CPED1: variants seen among roughly 807,000 people sequenced by gnomAD.
CPED1 encodes cadherin-like and PC-esterase domain-containing protein 1.
In CPED1, 114 loss-of-function variants were observed where a neutral mutation model predicts 128.2. The observed-to-expected ratio is 0.89, with a 90% CI of 0.76 to 1.04. The LOEUF is 1.04. Among genes scored for constraint, CPED1 ranks in the 50% least tolerant of loss-of-function variants. The probability of loss-of-function intolerance (pLI) is 0.00; values close to 1 mark genes in which losing one functional copy is unlikely to be tolerated. For synonymous variants in CPED1, 462 were observed against 426.7 expected, an observed-to-expected ratio of 1.08 and a Z score of -1.02; for missense variants, 1,211 against 1,207.1, an observed-to-expected ratio of 1.00 and a Z score of -0.05.
chr7:121,036,674 C>T (rs1792902495), intron 3 of CPED1, among the ~76,000 whole-genome samples: 1 of 151,904 alleles, frequency 6.6e-6, no homozygotes. Context: ...ATGGCTGAAT[C>T]AAATAGTAGA....
chr7:121,140,811 T>C lies in CPED1; in HGVS notation c.1700-16T>C. On this transcript the variant is annotated splice_polypyrimidine_tract_variant and intron_variant, in intron 14 of 22. Transcript: ENST00000310396. The stretch of plus-strand genomic sequence containing the variant: ...CTTCACAGTTGTCTTTGTCATTGTT[T>C]TTGTTTTTTTAACAGATGAAAACAC... The C allele has an allele frequency of 6.3e-7, 1 of 1,586,772 alleles. No individual in the cohort carries two copies. Among genetic ancestry groups the C allele is most frequent in the African/African-American group, 1.4e-5 (1 of 73,626 alleles).
intron 7 of CPED1, among the ~76,000 whole-genome samples, chr7:121,103,471 C>T (rs1261691044): frequency 6.6e-6 from 1 of 152,090 alleles, no homozygotes; most frequent in African/African-American, 2.4e-5. Flanking sequence ...TCAGTTAAAA[C>T]AAATAGATTA....
At chr7:121,014,184 A>AT (rs1338695682) in intron 2 of CPED1, among the ~76,000 whole-genome samples, 1 of 152,188 alleles carries the variant, frequency 6.6e-6, no homozygotes, top group Non-Finnish European at 1.5e-5. Flanking sequence ...GATAAAGATG[A>AT]TTAAGAGTGT....
At chr7:121,223,051 C>A (rs900525556) in intron 16 of CPED1, among the ~76,000 whole-genome samples, 1 of 152,122 alleles carries the variant, frequency 6.6e-6, no homozygotes, top group Non-Finnish European at 1.5e-5. Flanking sequence ...AAAGGGAATG[C>A]TTCCAGTTTT....
chr7:121,039,234 G>A (rs1241529144), intron 3 of CPED1, among the ~76,000 whole-genome samples: 6 of 152,090 alleles, frequency 3.9e-5, no homozygotes, highest in Non-Finnish European at 7.4e-5. Context: ...TTCTACTTTA[G>A]CTTATAATTC....
intron 18 of CPED1, among the ~76,000 whole-genome samples, chr7:121,261,088 T>C (rs1462003929): frequency 6.6e-6 from 1 of 152,034 alleles, no homozygotes; most frequent in Admixed American, 6.6e-5. Context: ...CTGGTTACTT[T>C]TGGTGATGCT....
At chr7:121,189,001 C>T (rs1012927126) in intron 16 of CPED1, among the ~76,000 whole-genome samples, 3 of 152,088 alleles carry the variant, frequency 2.0e-5, no homozygotes, top group African/African-American at 4.8e-5. Flanking sequence ...TCCCATTTGT[C>T]GTCATCCTTT....
intron 16 of CPED1, among the ~76,000 whole-genome samples, chr7:121,207,632 A>G (rs1797550248): frequency 6.6e-6 from 1 of 152,068 alleles, no homozygotes; most frequent in African/African-American, 2.4e-5. Context: ...TACATATCAT[A>G]TATTGAACAA....
chr7:120,989,811 G>T lies in CPED1; in HGVS notation c.190G>T (p.Gly64Ter). 1 of 1,614,106 alleles carries T rather than the reference G, an allele frequency of 6.2e-7. No homozygotes were observed. Among genetic ancestry groups the T allele is most frequent in the Non-Finnish European group, 8.5e-7 (1 of 1,180,034 alleles). Residue 64 changes from glycine (G) to a stop codon, truncating the protein, a stop_gained, in exon 2 of 23, where the codon GGA becomes TGA. Transcript: ENST00000310396. LOFTEE classifies it high-confidence loss of function. The stretch of plus-strand genomic sequence containing the variant: ...AACCCAGGCAAGCAGATGCAAGAAA[G>T]GATTCTCTCAGGACAAACAGTGCTT... ...TETQASRCKK[G>*]FSQDKQCFLL... is the part of the protein sequence containing the mutation.
At chr7:121,228,045 A>G (rs984748367) in intron 16 of CPED1, among the ~76,000 whole-genome samples, 4 of 152,118 alleles carry the variant, frequency 2.6e-5, no homozygotes, top group Non-Finnish European at 5.9e-5. Context: ...AACTGTAAAA[A>G]TACTAGAAGA....
chr7:121,251,475 G>T (rs1798671460), intron 18 of CPED1, among the ~76,000 whole-genome samples: 1 of 152,054 alleles, frequency 6.6e-6, no homozygotes. Context: ...GGGCAATCAG[G>T]CAGGAGAAGG....
At chr7:121,294,705 T>C (rs1792785487) in intron 22 of CPED1, among the ~76,000 whole-genome samples, 1 of 150,392 alleles carries the variant, frequency 6.6e-6, no homozygotes, top group South Asian at 2.1e-4. Flanking sequence ...CAAGGAACAA[T>C]AGATAAACTG....
At chr7:121,148,009 A>G (rs896714883) in intron 16 of CPED1, among the ~76,000 whole-genome samples, 5 of 152,160 alleles carry the variant, frequency 3.3e-5, no homozygotes, top group Non-Finnish European at 1.5e-5. Flanking sequence ...AAATAGCTCA[A>G]GTGATAGTTA....
At chr7:121,060,929 C>A (rs879615741) in intron 4 of CPED1, among the ~76,000 whole-genome samples, 5 of 152,098 alleles carry the variant, frequency 3.3e-5, no homozygotes, top group Non-Finnish European at 7.4e-5. Flanking sequence ...CTGAAGCCAG[C>A]GAGACCACGA....
intron 4 of CPED1, among the ~76,000 whole-genome samples, chr7:121,063,581 T>A (rs1392423885): frequency 6.6e-6 from 1 of 152,058 alleles, no homozygotes; most frequent in Admixed American, 6.5e-5. Flanking sequence ...CAAAAATGAA[T>A]CTGATTTTCA....
Position 121,006,191 on chromosome 7 carries a change from G to C in CPED1, c.250-9474G>C, listed in dbSNP as rs115023363. On this transcript the variant is annotated intron_variant, in intron 2 of 22. Coordinates refer to ENST00000310396, the MANE Select transcript of CPED1 (RefSeq NM_024913.5). ...AATTGCTGAATTAACTTGTTGTTTTGGCATCAGGGGACAGAGACTTGCTAT... is the reference window on the plus strand; with the variant it reads ...AATTGCTGAATTAACTTGTTGTTTTCGCATCAGGGGACAGAGACTTGCTAT... 1.6e-3 allele frequency among the ~76,000 whole-genome samples: 246 copies of C among 152,134 alleles called. 2 individuals are homozygous for C. The highest frequency in any genetic ancestry group is 5.7e-3 in the African/African-American group (236 of 41,492).
At chr7:121,171,518 A>G (rs996065582) in intron 16 of CPED1, among the ~76,000 whole-genome samples, 1 of 152,210 alleles carries the variant, frequency 6.6e-6, no homozygotes, top group Non-Finnish European at 1.5e-5. Context: ...TTTTAAAAAT[A>G]TACAGTGCTG....
Position 121,130,105 on chromosome 7 carries a change from C to T in CPED1, c.1408-20C>T. On this transcript the variant is annotated intron_variant, in intron 11 of 22. Transcript: ENST00000310396. ...TATAATTTGTTTTCCATAACTTATA[C>T]TGATATTTTGTGTTCTCAGCTCTTC... 1 of 1,591,804 alleles carries T rather than the reference C, an allele frequency of 6.3e-7. No individual in the cohort carries two copies.
At chr7:121,275,241 C>T (rs1211732720) in intron 22 of CPED1, among the ~76,000 whole-genome samples, 2 of 152,140 alleles carry the variant, frequency 1.3e-5, no homozygotes, top group Admixed American at 6.5e-5. Flanking sequence ...TTCTTTCATC[C>T]GTCAAGGCAC....
Sources: allele counts gnomAD v4.1 joint callset (sites outside exome capture counted in the v4.1 genomes callset), GRCh38; gene constraint gnomAD v4.1.1; transcripts MANE v1.5; gene names NCBI Gene and HGNC (gene_info 2026-07-23, HGNC 2026-07-21).